DGKB: variants seen among roughly 807,000 people sequenced by gnomAD.
The protein encoded by DGKB is 90 kDa diacylglycerol kinase.
DGKB carries 67 observed loss-of-function variants against 114.3 expected under a neutral mutation model. The observed-to-expected ratio is 0.59, with a 90% confidence interval of 0.48 to 0.72. The LOEUF (loss-of-function observed/expected upper bound fraction) is 0.72, where lower values mean the gene tolerates loss of function less well. DGKB is among the 30% of genes least tolerant of loss of function. The probability of loss-of-function intolerance (pLI) is 0.00; values close to 1 mark genes in which losing one functional copy is unlikely to be tolerated. For synonymous variants in DGKB, 398 were observed against 323.1 expected (o/e 1.23, Z -2.49); for missense variants, 907 against 975.2 (o/e 0.93, Z 0.93).
At chr7:14,320,060 G>T (rs116469750) in intron 23 of DGKB, among the ~76,000 whole-genome samples, 152 of 152,250 alleles carry the variant, frequency 1.0e-3, no homozygotes, top group African/African-American at 3.5e-3. Flanking sequence ...TTTTTTAGAA[G>T]CACACTAACA....
At chr7:14,779,314 T>C (rs955911303) in intron 2 of DGKB, among the ~76,000 whole-genome samples, 2 of 152,036 alleles carry the variant, frequency 1.3e-5, no homozygotes, top group Non-Finnish European at 1.5e-5. Context: ...GGCTGGCAAA[T>C]TGCTTGAGCC....
chr7:14,915,834 A>G (rs189656332), intron 1 of DGKB, among the ~76,000 whole-genome samples: 12 of 152,322 alleles, frequency 7.9e-5, no homozygotes, highest in East Asian at 5.8e-4. Context: ...AGGAAATGTT[A>G]AAACAAGTTC....
At chr7:14,648,001 C>T (rs183807744) in intron 13 of DGKB, among the ~76,000 whole-genome samples, 6 of 152,116 alleles carry the variant, frequency 3.9e-5, no homozygotes, top group Non-Finnish European at 7.3e-5. Flanking sequence ...CCTACGCCCA[C>T]GGAGTCTCGC....
intron 21 of DGKB, among the ~76,000 whole-genome samples, chr7:14,348,879 A>G (rs1291889323): frequency 1.3e-5 from 2 of 151,844 alleles, no homozygotes; most frequent in African/African-American, 4.8e-5. Context: ...GGAGTGCTGT[A>G]TGATTTTAGA....
chr7:14,578,575 A>G (rs1318742649), intron 19 of DGKB, among the ~76,000 whole-genome samples: 1 of 152,100 alleles, frequency 6.6e-6, no homozygotes, highest in Admixed American at 6.5e-5. Context: ...TTCCTAACCA[A>G]TCCACTGGTA....
chr7:14,281,109 G>T (rs1487476904), intron 23 of DGKB, among the ~76,000 whole-genome samples: 1 of 146,888 alleles, frequency 6.8e-6, no homozygotes, highest in Non-Finnish European at 1.5e-5. Flanking sequence ...CTGTATTCAG[G>T]AAACCCATCT....
chr7:14,401,987 CCCG>C (rs1288984613), intron 21 of DGKB, among the ~76,000 whole-genome samples: 13,935 of 149,866 alleles, frequency 0.093, 1,133 homozygotes, highest in East Asian at 0.46. Flanking sequence ...CACACACACA[CCCG>C]CTATTCAGCT....
At chr7:14,908,179 G>T (rs1783807160), upstream of DGKB, among the ~76,000 whole-genome samples, 1 of 151,994 alleles carries the variant, frequency 6.6e-6, no homozygotes, top group Non-Finnish European at 1.5e-5. Flanking sequence ...TAGACCAATT[G>T]TTTAAAAAAA....
intron 1 of DGKB, among the ~76,000 whole-genome samples, chr7:14,849,434 G>A (rs767320127): frequency 3.3e-5 from 5 of 152,024 alleles, no homozygotes; most frequent in Non-Finnish European, 7.4e-5. Flanking sequence ...TTATAAAAGG[G>A]CAAGTTCAGC....
At chr7:14,569,464 T>C (rs985658288) in intron 20 of DGKB, among the ~76,000 whole-genome samples, 2 of 152,170 alleles carry the variant, frequency 1.3e-5, no homozygotes, top group East Asian at 3.8e-4. Flanking sequence ...TAATATGAGG[T>C]AGAGTTCTAA....
At chr7:14,487,365 G>C (rs1783970041) in intron 20 of DGKB, among the ~76,000 whole-genome samples, 1 of 152,076 alleles carries the variant, frequency 6.6e-6, no homozygotes, top group African/African-American at 2.4e-5. Context: ...GGTTAGACTA[G>C]TAAAGTGGTT....
intron 21 of DGKB, among the ~76,000 whole-genome samples, chr7:14,446,564 A>G (rs1020548289): frequency 3.3e-5 from 5 of 152,196 alleles, no homozygotes; most frequent in African/African-American, 1.2e-4. Context: ...ACTTATGATC[A>G]CATTTTTGAA....
intron 23 of DGKB, among the ~76,000 whole-genome samples, chr7:14,330,168 G>C (rs1202052179): frequency 6.6e-6 from 1 of 151,950 alleles, no homozygotes; most frequent in Non-Finnish European, 1.5e-5. Context: ...TTCTTCCTCA[G>C]AAGTCATATA....
chr7:14,568,648 T>C (rs575871343), intron 20 of DGKB, among the ~76,000 whole-genome samples: 1 of 152,160 alleles, frequency 6.6e-6, no homozygotes, highest in Non-Finnish European at 1.5e-5. Context: ...GAAAAACTGA[T>C]TTTTATTCAT....
chr7:14,578,436 A>G (rs1799475298), intron 19 of DGKB, among the ~76,000 whole-genome samples: 1 of 152,190 alleles, frequency 6.6e-6, no homozygotes, highest in Admixed American at 6.5e-5. Flanking sequence ...AACTTGCTCA[A>G]AGTTACACAC....
chr7:14,473,086 C>T (rs1253804624), intron 21 of DGKB, among the ~76,000 whole-genome samples: 1 of 152,116 alleles, frequency 6.6e-6, no homozygotes, highest in Non-Finnish European at 1.5e-5. Context: ...ACGTTAATCC[C>T]CAAGACAATG....
intron 21 of DGKB, among the ~76,000 whole-genome samples, chr7:14,410,209 TATACAC>T (rs1381907204): frequency 6.6e-6 from 1 of 150,962 alleles, no homozygotes; most frequent in Non-Finnish European, 1.5e-5. Flanking sequence ...AATATATATA[TATACAC>T]ATATATATAC....
chr7:14,319,337 TC>T (rs1172318597), intron 23 of DGKB, among the ~76,000 whole-genome samples: 1 of 151,766 alleles, frequency 6.6e-6, no homozygotes, highest in African/African-American at 2.4e-5. Context: ...GATATGAGAA[TC>T]CAGCTGTCTT....
At chr7:14,227,230 T>C (rs1178274255) in intron 23 of DGKB, among the ~76,000 whole-genome samples, 8 of 152,030 alleles carry the variant, frequency 5.3e-5, no homozygotes, top group Admixed American at 4.6e-4. Flanking sequence ...GTTCAAAAAA[T>C]TTCACTTTGG....
Sources: allele counts gnomAD v4.1 joint callset (sites outside exome capture counted in the v4.1 genomes callset), GRCh38; gene constraint gnomAD v4.1.1; transcripts MANE v1.5; gene names NCBI Gene and HGNC (gene_info 2026-07-23, HGNC 2026-07-21).